The following TIMP2 variants were observed in gnomAD, a reference collection of about 807,000 sequenced individuals.
TIMP2 encodes metalloproteinase inhibitor 2.
TIMP2 carries 5 observed loss-of-function variants against 24.3 expected under a neutral mutation model. The observed-to-expected ratio is 0.21, with a 90% CI of 0.11 to 0.43. The LOEUF (loss-of-function observed/expected upper bound fraction) is 0.43. Ranked by LOEUF, TIMP2 falls within the 20% of genes least tolerant of loss-of-function variation. The pLI is 1.00. For missense variants in TIMP2, 221 were observed against 297.5 expected (o/e 0.74, Z 1.89); for synonymous variants, 130 against 123.2 (o/e 1.06, Z -0.37).
chr17:78,921,713 T>G (rs1163052084), intron 1 of TIMP2, among the ~76,000 whole-genome samples: 1 of 152,214 alleles, frequency 6.6e-6, no homozygotes, highest in Non-Finnish European at 1.5e-5. Context: ...CTGGCCTTGC[T>G]GGAAAGGACA....
chr17:78,918,016 T>C (rs550459995), intron 1 of TIMP2, among the ~76,000 whole-genome samples: 13 of 151,696 alleles, frequency 8.6e-5, no homozygotes, highest in South Asian at 2.1e-4. Context: ...CTTTGAGAAG[T>C]TGGCGGCTGC....
chr17:78,902,586 G>A (rs2070111677), intron 1 of TIMP2: 1 of 152,442 alleles, frequency 6.6e-6, no homozygotes, highest in South Asian at 2.1e-4. Context: ...GAGATGGTTG[G>A]GCAGGCAGCC....
chr17:78,915,176 C>T (rs1326437580), intron 1 of TIMP2, among the ~76,000 whole-genome samples: 3 of 152,114 alleles, frequency 2.0e-5, no homozygotes, highest in East Asian at 3.9e-4. Flanking sequence ...GGATTACAGG[C>T]GTGAGTCACT....
Position 78,855,922 on chromosome 17 carries a change from G to T in TIMP2, c.466-58C>A. The stretch of plus-strand genomic sequence containing the variant: ...AGGGACCCAGGAAGGGGTGGGCAGA[G>T]GCTGCTCTGGGGGCATGTCCAGAAC... On this transcript the variant is annotated intron_variant, in intron 4 of 4. Coordinates refer to ENST00000262768, the MANE Select transcript of TIMP2 (RefSeq NM_003255.5). The surrounding 1 kb of genome is among the most constrained non-coding windows in gnomAD (Gnocchi z 6.0). The T allele has an allele frequency of 6.4e-7, 1 of 1,565,888 alleles. No individual in the cohort carries two copies.
At chr17:78,892,196 T>C (rs527447361) in intron 1 of TIMP2, 1 of 1,551,074 alleles carries the variant, frequency 6.4e-7, no homozygotes, top group Admixed American at 2.0e-5. Flanking sequence ...CTGGTAGTTT[T>C]TCCACAGCTT....
chr17:78,874,001 C>G (rs936197013), intron 1 of TIMP2, 82 bp from the exon 2 acceptor site: 1 of 1,315,860 alleles, frequency 7.6e-7, no homozygotes, highest in Non-Finnish European at 1.1e-6. Flanking sequence ...ACGTCCAGGC[C>G]TGCGGGAGGT....
Position 78,855,315 on chromosome 17 carries a change from C to A in TIMP2, c.*352G>T. 1 of 360,172 alleles carries A rather than the reference C, an allele frequency of 2.8e-6. No individual in the cohort carries two copies. Among genetic ancestry groups the A allele is most frequent in the Non-Finnish European group, 5.3e-6 (1 of 189,714 alleles). The allele number at this position is 360,172 out of a possible 1,614,324, so 22.3% of individuals were successfully genotyped here. On this transcript the variant is annotated 3_prime_UTR_variant, in exon 5 of 5. Coordinates refer to ENST00000262768, the MANE Select transcript of TIMP2 (RefSeq NM_003255.5). This position sits in a 1 kb window ranked among gnomAD's most constrained non-coding sequence, Gnocchi z 6.0. ...CAAAATGCACATTTCCAGGCCCTGC[C>A]CTAACCCAGCTGGGAGATCCCTAAG...
At chr17:78,902,680 A>C (rs1283037796) in intron 1 of TIMP2, 1 of 152,262 alleles carries the variant, frequency 6.6e-6, no homozygotes, top group Non-Finnish European at 1.5e-5. Context: ...CCAAACTCCC[A>C]GCTGAGACGC....
chr17:78,853,769 A>G lies in TIMP2; in HGVS notation c.*1898T>C, dbSNP rs763878643. ...ACAGGAATGATTACAGCTGATGTCAAAAACAAACCAAAACATTAAAAAAAC... is the reference window on the plus strand; with the variant it reads ...ACAGGAATGATTACAGCTGATGTCAGAAACAAACCAAAACATTAAAAAAAC... On this transcript the variant is annotated 3_prime_UTR_variant, in exon 5 of 5. Transcript: ENST00000262768. 1.3e-5 allele frequency: 2 copies of G among 152,614 alleles called. No homozygotes were observed. The highest frequency in any genetic ancestry group is 2.9e-5 in the Non-Finnish European group (2 of 68,064). The allele number at this position is 152,614 out of a possible 1,614,324, so 9.5% of individuals were successfully genotyped here.
intron 3 of TIMP2, among the ~76,000 whole-genome samples, chr17:78,864,977 C>T (rs573135525): frequency 1.1e-4 from 16 of 152,164 alleles, no homozygotes; most frequent in African/African-American, 3.6e-4. Flanking sequence ...TTGCTTGAAC[C>T]TGGGGGGCGG....
At chr17:78,909,898 G>A (rs2070192701) in intron 1 of TIMP2, among the ~76,000 whole-genome samples, 1 of 152,146 alleles carries the variant, frequency 6.6e-6, no homozygotes, top group Admixed American at 6.6e-5. Context: ...CACAGAAAAG[G>A]CAGAGTCACA....
At chr17:78,915,357 C>A (rs2145794663) in intron 1 of TIMP2, among the ~76,000 whole-genome samples, 1 of 152,300 alleles carries the variant, frequency 6.6e-6, no homozygotes, top group Middle Eastern at 3.4e-3. Context: ...ATGAACAAGG[C>A]CAGCCTCAGG....
At chr17:78,905,831 T>C (rs1159231133) in intron 1 of TIMP2, among the ~76,000 whole-genome samples, 1 of 152,212 alleles carries the variant, frequency 6.6e-6, no homozygotes, top group African/African-American at 2.4e-5. Flanking sequence ...TGACTGCAAT[T>C]AGAACCACAT....
rs762308761 is a variant in TIMP2 at position 78,891,940 on chromosome 17, G to C, written c.131-18021C>G. ...TCTTCCGGGGCCTGGAGTGCCTGGGGTGTTGCTGGCCCAACTCTTCCCTGC... is the reference window on the plus strand; with the variant it reads ...TCTTCCGGGGCCTGGAGTGCCTGGGCTGTTGCTGGCCCAACTCTTCCCTGC... On this transcript the variant is annotated intron_variant, in intron 1 of 4. Transcript: ENST00000262768. The surrounding 1 kb of genome is among the most constrained non-coding windows in gnomAD (Gnocchi z 4.5). 1.9e-6 allele frequency: 3 copies of C among 1,550,584 alleles called. No individual in the cohort carries two copies. The South Asian group carries it at 3.6e-5, about 18-fold the overall frequency.
In TIMP2 at chr17:78,885,471, G is replaced by A. The variant is rs2069817596; in HGVS notation, c.131-11552C>T. 2.0e-5 allele frequency among the ~76,000 whole-genome samples: 3 copies of A among 152,220 alleles called. No individual in the cohort carries two copies. In the South Asian group the frequency reaches 6.2e-4, roughly 32 times the overall value. ...TCAGGAGCCCCACACCCTTCCGGGT[G>A]GCTCCATCCCTTGTTTTACAGTCAA... On this transcript the variant is annotated intron_variant, in intron 1 of 4. Coordinates refer to ENST00000262768, the MANE Select transcript of TIMP2 (RefSeq NM_003255.5).
At chr17:78,872,286 C>G (rs905171171) in intron 2 of TIMP2, among the ~76,000 whole-genome samples, 1 of 152,054 alleles carries the variant, frequency 6.6e-6, no homozygotes, top group Non-Finnish European at 1.5e-5. Context: ...TCACTCCACC[C>G]AACCTATATT....
chr17:78,896,022 G>C lies in TIMP2; in HGVS notation c.131-22103C>G, dbSNP rs149120931. Among the ~76,000 whole-genome samples, 13 of 152,358 alleles carry C rather than the reference G, an allele frequency of 8.5e-5. No homozygotes were observed. Among genetic ancestry groups the C allele is most frequent in the African/African-American group, 2.6e-4 (11 of 41,576 alleles). ...ATGAAGCAGCGTCAGTTTTCCTGGAGACACGCAAACGGGTAAAAACTTAAC... is the reference window on the plus strand; with the variant it reads ...ATGAAGCAGCGTCAGTTTTCCTGGACACACGCAAACGGGTAAAAACTTAAC... On this transcript the variant is annotated intron_variant, in intron 1 of 4. Coordinates refer to ENST00000262768, the MANE Select transcript of TIMP2 (RefSeq NM_003255.5). This position sits in a 1 kb window ranked among gnomAD's most constrained non-coding sequence, Gnocchi z 4.4.
chr17:78,884,246 G>A (rs919051370), intron 1 of TIMP2, among the ~76,000 whole-genome samples: 3 of 152,178 alleles, frequency 2.0e-5, no homozygotes, highest in South Asian at 2.1e-4. Flanking sequence ...CGGAGCCAGG[G>A]GCAGCAGCAG....
chr17:78,855,662 C>T lies in TIMP2; in HGVS notation c.*5G>A, dbSNP rs1323784162. The T allele has an allele frequency of 1.2e-6, 2 of 1,613,146 alleles. No homozygotes were observed. The highest frequency in any genetic ancestry group is 1.7e-5 in the Admixed American group (1 of 60,012). Reference sequence around the variant, plus strand: ...CAGTTGGCCACAGGGGCGTTGGAGGCCTGCTTATGGGTCCTCGATGTCGAG... The same window carrying T: ...CAGTTGGCCACAGGGGCGTTGGAGGTCTGCTTATGGGTCCTCGATGTCGAG... On this transcript the variant is annotated 3_prime_UTR_variant, in exon 5 of 5. Coordinates refer to ENST00000262768, the MANE Select transcript of TIMP2 (RefSeq NM_003255.5). The surrounding 1 kb of genome is among the most constrained non-coding windows in gnomAD (Gnocchi z 6.0).
Sources: gnomAD v4.1 joint callset for allele counts (sites outside exome capture counted in the v4.1 genomes callset) on GRCh38, gnomAD v4.1.1 for gene constraint, Gnocchi (gnomAD v3.1) non-coding constraint, MANE v1.5 for transcripts, NCBI Gene and HGNC (gene_info 2026-07-23, HGNC 2026-07-21) for gene names.